Variants in GLCE observed in about 807,000 individuals in gnomAD.
The protein encoded by GLCE is D-glucuronyl C5-epimerase.
In GLCE, 19 loss-of-function variants were observed where a neutral mutation model predicts 47.9. The observed-to-expected ratio is 0.40, with a 90% CI of 0.28 to 0.58. The LOEUF (loss-of-function observed/expected upper bound fraction) is 0.58. Among genes scored for constraint, GLCE ranks in the 20% least tolerant of loss-of-function variants. GLCE has a pLI of 0.48. For missense variants in GLCE, 556 were observed against 743.3 expected, an observed-to-expected ratio of 0.75 and a Z score of 2.93; for synonymous variants, 245 against 263.4, an observed-to-expected ratio of 0.93 and a Z score of 0.68.
chr15:69,165,761 G>C (rs1276189992), intron 1 of GLCE, among the ~76,000 whole-genome samples: 4 of 152,016 alleles, frequency 2.6e-5, no homozygotes, highest in Non-Finnish European at 4.4e-5. Flanking sequence ...TTTATGCATA[G>C]TTGGCTATCA....
intron 1 of GLCE, among the ~76,000 whole-genome samples, chr15:69,200,161 C>T (rs962315187): frequency 5.3e-5 from 8 of 152,054 alleles, no homozygotes; most frequent in East Asian, 3.9e-4. Flanking sequence ...GAGAAAGTTT[C>T]GTGCCATCTG....
chr15:69,214,064 A>T (rs1028120077), intron 2 of GLCE, among the ~76,000 whole-genome samples: 1 of 151,836 alleles, frequency 6.6e-6, no homozygotes, highest in Admixed American at 6.6e-5. Flanking sequence ...GAGATGCTTC[A>T]GGCTCATCTT....
rs1264783742 is a variant in GLCE, at chr15:69,269,145, G to A, written c.1755G>A (p.Gln585=). ...ACTATCATACCACCCACATCAATCA[G>A]TTGCAGCTACTCAGTACCATTGATG... ...RWDYHTTHIN[Q]LQLLSTIDES... is the part of the protein sequence containing the mutation. Residue 585 remains glutamine, a synonymous_variant, in exon 5 of 5, where the codon CAG becomes CAA. Coordinates refer to ENST00000261858, the MANE Select transcript of GLCE (RefSeq NM_015554.3). The A allele has an allele frequency of 2.5e-6, 4 of 1,613,760 alleles. No homozygotes were observed. In the East Asian group the frequency reaches 6.7e-5, roughly 27 times the overall value.
intron 1 of GLCE, among the ~76,000 whole-genome samples, chr15:69,171,021 A>T (rs764608243): frequency 7.4e-4 from 112 of 152,186 alleles, no homozygotes; most frequent in Non-Finnish European, 1.4e-3. Flanking sequence ...TGACAGTTAC[A>T]GTTTTTGCAG....
At position 69,178,784 on chromosome 15, in the gene GLCE, T is replaced by C. The variant is rs1595738579; in HGVS notation, c.-105+18027T>C. Reference sequence around the variant, plus strand: ...ATGTTAAAATGATAAATATTCATACTTTTTCATTCAATTTTAAATAATTTA... The same window carrying C: ...ATGTTAAAATGATAAATATTCATACCTTTTCATTCAATTTTAAATAATTTA... On this transcript the variant is annotated intron_variant, in intron 1 of 4. Coordinates refer to ENST00000261858, the MANE Select transcript of GLCE (RefSeq NM_015554.3). Among the ~76,000 whole-genome samples the C allele has an allele frequency of 2.0e-5, 3 of 152,276 alleles. No individual in the cohort carries two copies. In the East Asian group the frequency reaches 5.8e-4, roughly 29 times the overall value.
chr15:69,209,762 A>G (rs1298379771), intron 1 of GLCE, among the ~76,000 whole-genome samples: 1 of 151,880 alleles, frequency 6.6e-6, no homozygotes, highest in African/African-American at 2.4e-5. Flanking sequence ...TTTAATGTTC[A>G]CTCCCTGCAG....
chr15:69,249,539 A>T (rs1216992795), intron 2 of GLCE, among the ~76,000 whole-genome samples: 2 of 152,206 alleles, frequency 1.3e-5, no homozygotes, highest in South Asian at 4.1e-4. Flanking sequence ...AAGAGTAAGC[A>T]TTCTTCTCAA....
At chr15:69,197,751 G>A (rs1178728407) in intron 1 of GLCE, among the ~76,000 whole-genome samples, 1 of 152,154 alleles carries the variant, frequency 6.6e-6, no homozygotes, top group African/African-American at 2.4e-5. Context: ...GAGATGTGGA[G>A]ACAGTGAGTG....
intron 3 of GLCE, among the ~76,000 whole-genome samples, chr15:69,260,129 G>A (rs990968562): frequency 7.3e-5 from 11 of 151,614 alleles, no homozygotes; most frequent in African/African-American, 2.7e-4. Flanking sequence ...AAGAATCTAT[G>A]GTAAAATATA....
At chr15:69,265,390 C>A (rs1361867948) in intron 4 of GLCE, among the ~76,000 whole-genome samples, 1 of 152,076 alleles carries the variant, frequency 6.6e-6, no homozygotes, top group African/African-American at 2.4e-5. Flanking sequence ...CCATTCAGGT[C>A]CTCGTGAATG....
chr15:69,261,386 A>G (rs1314087317), intron 4 of GLCE, 57 bp downstream of exon 4: 2 of 1,525,434 alleles, frequency 1.3e-6, no homozygotes, highest in African/African-American at 2.8e-5. Context: ...GGACCCTGAT[A>G]GTCCCTTAAA....
At chr15:69,218,584 A>G (rs1278861061) in intron 2 of GLCE, among the ~76,000 whole-genome samples, 1 of 152,240 alleles carries the variant, frequency 6.6e-6, no homozygotes, top group Non-Finnish European at 1.5e-5. Context: ...ACTAATAATT[A>G]GACAAGACTG....
At chr15:69,241,642 C>CAGGTAATGGTATATGTA (rs1229758221) in intron 2 of GLCE, among the ~76,000 whole-genome samples, 2 of 152,160 alleles carry the variant, frequency 1.3e-5, no homozygotes, top group Admixed American at 1.3e-4. Context: ...CTACTTTATG[C>CAGGTAATGGTATATGTA]ATATGGTATA....
chr15:69,166,023 G>C (rs2051496625), intron 1 of GLCE, among the ~76,000 whole-genome samples: 1 of 152,204 alleles, frequency 6.6e-6, no homozygotes, highest in Admixed American at 6.5e-5. Context: ...GTAGAATTTT[G>C]AGGCAACTAC....
chr15:69,229,081 A>G (rs1675932461), intron 2 of GLCE, among the ~76,000 whole-genome samples: 1 of 152,248 alleles, frequency 6.6e-6, no homozygotes, highest in Admixed American at 6.5e-5. Context: ...AATCAAAGGA[A>G]AGCTGATGAA....
At chr15:69,197,239 G>T in intron 1 of GLCE, 1 of 413,176 alleles carries the variant, frequency 2.4e-6, no homozygotes, top group South Asian at 1.8e-5. Context: ...GTATTCACCT[G>T]ACTTCTTGCC....
chr15:69,242,248 C>G (rs1595777277), intron 2 of GLCE, among the ~76,000 whole-genome samples: 1 of 152,088 alleles, frequency 6.6e-6, no homozygotes. Context: ...TTTCTAGTAT[C>G]TTTCCCTTTC....
At chr15:69,193,126 G>A (rs750972411) in intron 1 of GLCE, among the ~76,000 whole-genome samples, 7 of 150,668 alleles carry the variant, frequency 4.6e-5, no homozygotes, top group Non-Finnish European at 1.0e-4. Flanking sequence ...CCTAAACTCT[G>A]ATATATGTCT....
intron 2 of GLCE, among the ~76,000 whole-genome samples, chr15:69,215,908 A>G (rs1400981572): frequency 6.6e-6 from 1 of 151,664 alleles, no homozygotes; most frequent in Non-Finnish European, 1.5e-5. Context: ...ATTTCTCTGT[A>G]TTTTCTTCTT....
Sources: gnomAD v4.1 joint callset for allele counts (sites outside exome capture counted in the v4.1 genomes callset) on GRCh38, gnomAD v4.1.1 for gene constraint, MANE v1.5 for transcripts, NCBI Gene and HGNC (gene_info 2026-07-23, HGNC 2026-07-21) for gene names.